The following DOCK3 variants were observed in gnomAD, a reference collection of about 807,000 sequenced individuals.
DOCK3 encodes dedicator of cytokinesis 3.
Under a neutral mutation model 265.6 loss-of-function variants are expected in DOCK3, and 60 were observed. That is an observed-to-expected ratio of 0.23 (90% confidence interval 0.18 to 0.28). The LOEUF (loss-of-function observed/expected upper bound fraction) is 0.28, where lower values mean the gene tolerates loss of function less well. DOCK3 is among the 10% of genes least tolerant of loss of function. DOCK3 has a pLI of 1.00. For missense variants in DOCK3, 1,981 were observed against 2,594.3 expected (o/e 0.76, Z 5.14); for synonymous variants, 881 against 938.0 (o/e 0.94, Z 1.11).
intron 32 of DOCK3, among the ~76,000 whole-genome samples, chr3:51,318,601 A>C: frequency 6.6e-6 from 1 of 152,100 alleles, no homozygotes; most frequent in East Asian, 1.9e-4. Context: ...AAAAAATTTT[A>C]GACTCCCTTT....
intron 10 of DOCK3, among the ~76,000 whole-genome samples, chr3:51,151,197 A>G (rs750863173): frequency 4.0e-5 from 6 of 150,916 alleles, no homozygotes; most frequent in African/African-American, 7.3e-5. Context: ...TTTTGAGCCT[A>G]TGTATGTCTC....
intron 2 of DOCK3, chr3:50,787,616 G>A (rs931324670): frequency 9.6e-6 from 12 of 1,244,950 alleles, no homozygotes; most frequent in Admixed American, 7.3e-5. Context: ...TTTGTTTCCC[G>A]CTTCTTACGC....
chr3:50,926,625 A>G (rs2050773493), intron 4 of DOCK3, among the ~76,000 whole-genome samples: 2 of 152,238 alleles, frequency 1.3e-5, no homozygotes, highest in South Asian at 4.1e-4. Flanking sequence ...AAAGGGAATT[A>G]GCATGGGTGC....
At chr3:51,117,447 A>T (rs2083790256) in intron 9 of DOCK3, among the ~76,000 whole-genome samples, 2 of 152,002 alleles carry the variant, frequency 1.3e-5, no homozygotes, top group Non-Finnish European at 2.9e-5. Context: ...TGTCCCTGCC[A>T]GGTTTTGGTA....
intron 5 of DOCK3, among the ~76,000 whole-genome samples, chr3:51,049,531 T>A (rs1328738331): frequency 1.3e-5 from 2 of 152,108 alleles, no homozygotes; most frequent in Non-Finnish European, 2.9e-5. Context: ...TAAACTGTTC[T>A]GTACCAGTGT....
intron 4 of DOCK3, among the ~76,000 whole-genome samples, chr3:50,891,223 A>C (rs374800365): frequency 1.3e-5 from 2 of 152,110 alleles, no homozygotes; most frequent in East Asian, 1.9e-4. Flanking sequence ...GGAGACTGCA[A>C]AACACAGCTT....
At chr3:51,377,500 A>T (rs757215249) in intron 51 of DOCK3, among the ~76,000 whole-genome samples, 1 of 152,142 alleles carries the variant, frequency 6.6e-6, no homozygotes, top group African/African-American at 2.4e-5. Flanking sequence ...ACCATGGGCT[A>T]TGCACTGGCG....
chr3:50,719,962 G>T, intron 1 of DOCK3: 2 of 459,312 alleles, frequency 4.4e-6, no homozygotes, highest in Non-Finnish European at 4.0e-6. Context: ...CGGGGTTCTG[G>T]GTAGTGTCGT....
Position 51,178,092 on chromosome 3 carries a change from A to T in DOCK3, c.1037+17390A>T, listed in dbSNP as rs142390580. ...TCCATCTATATGATATTAATAAGAG[A>T]TTCACAAAGACTAAAAGTAAACAGG... On this transcript the variant is annotated intron_variant, in intron 12 of 52. Transcript: ENST00000266037. Among the ~76,000 whole-genome samples, 466 of 152,124 alleles carry T rather than the reference A, an allele frequency of 3.1e-3. 4 individuals carry two copies. The highest frequency in any genetic ancestry group is 2.8e-3 in the Non-Finnish European group (188 of 67,988).
chr3:51,313,925 A>G (rs1410577418), intron 31 of DOCK3, among the ~76,000 whole-genome samples: 5 of 152,228 alleles, frequency 3.3e-5, no homozygotes, highest in Non-Finnish European at 2.9e-5. Context: ...AAATTGGAAT[A>G]TGCTGAACCA....
At chr3:50,699,704 A>T (rs956742067) in intron 1 of DOCK3, among the ~76,000 whole-genome samples, 1 of 152,054 alleles carries the variant, frequency 6.6e-6, no homozygotes, top group Non-Finnish European at 1.5e-5. Flanking sequence ...CAGAGAGGGG[A>T]CAAGGTTCTT....
intron 4 of DOCK3, 139 bp from the exon 5 acceptor site, chr3:50,933,841 GT>G: frequency 1.9e-6 from 1 of 538,784 alleles, no homozygotes; most frequent in Non-Finnish European, 3.3e-6. Flanking sequence ...TTATAAAAAG[GT>G]CTTTGATCAA....
intron 5 of DOCK3, among the ~76,000 whole-genome samples, chr3:51,020,039 A>G (rs2079518094): frequency 6.6e-6 from 1 of 151,774 alleles, no homozygotes. Context: ...CCTCTGAGGA[A>G]TTGTTGCACT....
chr3:50,701,509 G>A (rs139642904), intron 1 of DOCK3, among the ~76,000 whole-genome samples: 5 of 152,212 alleles, frequency 3.3e-5, no homozygotes, highest in South Asian at 2.1e-4. Flanking sequence ...TAAATAGTTT[G>A]CAAATATTTT....
chr3:50,749,970 C>T (rs906027989), intron 1 of DOCK3, among the ~76,000 whole-genome samples: 10 of 152,150 alleles, frequency 6.6e-5, no homozygotes, highest in Admixed American at 1.3e-4. Flanking sequence ...CCCTGGGCCG[C>T]GGACTGGTAC....
chr3:50,859,770 G>A (rs2046813580), intron 3 of DOCK3, among the ~76,000 whole-genome samples: 1 of 152,216 alleles, frequency 6.6e-6, no homozygotes, highest in Non-Finnish European at 1.5e-5. Flanking sequence ...TAATCCAGAA[G>A]GCGACACTTA....
At chr3:51,202,027 G>A (rs1474040982) in intron 12 of DOCK3, among the ~76,000 whole-genome samples, 1 of 152,190 alleles carries the variant, frequency 6.6e-6, no homozygotes, top group Non-Finnish European at 1.5e-5. Flanking sequence ...AAAGCAGTGT[G>A]TAGAGGGAAA....
chr3:51,219,514 A>T (rs2089970122), intron 14 of DOCK3, among the ~76,000 whole-genome samples: 1 of 152,238 alleles, frequency 6.6e-6, no homozygotes. Flanking sequence ...ATCTGAAGAA[A>T]CTGGAGACAT....
At chr3:51,113,520 A>G (rs2083607978) in intron 9 of DOCK3, among the ~76,000 whole-genome samples, 1 of 152,186 alleles carries the variant, frequency 6.6e-6, no homozygotes, top group Admixed American at 6.5e-5. Context: ...TCCACGTACC[A>G]GAAACACTAA....
Sources: allele counts gnomAD v4.1 joint callset (sites outside exome capture counted in the v4.1 genomes callset), GRCh38; gene constraint gnomAD v4.1.1; transcripts MANE v1.5; gene names NCBI Gene and HGNC (gene_info 2026-07-23, HGNC 2026-07-21).